PUDP: variants seen among roughly 807,000 people sequenced by gnomAD.
PUDP encodes the protein pseudouridine 5'-phosphatase.
PUDP carries 8 observed loss-of-function variants against 9.4 expected under a neutral mutation model. That is an observed-to-expected ratio of 0.85 (90% CI 0.50 to 1.53). The LOEUF is 1.53. Ranked by LOEUF, PUDP falls within the 40% of genes most tolerant of loss-of-function variation. PUDP has a pLI of 0.00. For synonymous variants in PUDP, 99 were observed against 80.7 expected (o/e 1.23, Z -1.22); for missense variants, 188 against 189.7 (o/e 0.99, Z 0.05).
rs146691839 is a variant in PUDP at position 6,904,751 on chromosome X, G to C, written c.*247+72382C>G. Among the ~76,000 whole-genome samples the C allele has an allele frequency of 2.4e-4, 27 of 112,095 alleles. 1 individual carries two copies. In the East Asian group the frequency reaches 5.4e-3, roughly 22 times the overall value. ...TTCTCCCCTGCTCACTGTCCAACTG[G>C]GGCTCCCCATTGGCCAAACTCTCCA... On this transcript the variant is annotated intron_variant and NMD_transcript_variant, in intron 3 of 3. Coordinates refer to the PUDP transcript ENST00000655425.
chrX:6,901,868 CT>C (rs1482180099), intron 3 of PUDP, among the ~76,000 whole-genome samples: 3 of 111,723 alleles, frequency 2.7e-5, no homozygotes, highest in South Asian at 3.8e-4. Flanking sequence ...GAGAAATACT[CT>C]TTTTTTGTTT....
chrX:7,127,901 TGA>T (rs1366695926), intron 1 of PUDP, among the ~76,000 whole-genome samples: 2 of 112,342 alleles, frequency 1.8e-5, no homozygotes, highest in Non-Finnish European at 3.8e-5. Flanking sequence ...TTCAGACAAC[TGA>T]AGTACTCAAC....
chrX:6,989,748 ATGT>A (rs1929151488), intron 1 of PUDP: 1 of 113,403 alleles, frequency 8.8e-6, no homozygotes, highest in African/African-American at 3.2e-5. Context: ...ATTGTGGCAA[ATGT>A]TGTCTTATTG....
chrX:7,083,913 AAG>A, intron 2 of PUDP, among the ~76,000 whole-genome samples: 1 of 111,430 alleles, frequency 9.0e-6, no homozygotes, highest in Admixed American at 9.5e-5. Flanking sequence ...CAAAAAAAAA[AAG>A]AAGGAAAAAA....
intron 1 of PUDP, among the ~76,000 whole-genome samples, chrX:7,136,693 G>C (rs1384854299): frequency 2.1e-5 from 2 of 93,518 alleles, no homozygotes; most frequent in African/African-American, 7.5e-5. Context: ...TTGTGCCAGT[G>C]GGACCCCCCC....
intron 1 of PUDP, among the ~76,000 whole-genome samples, chrX:7,026,608 C>T (rs1435887117): frequency 9.0e-6 from 1 of 111,473 alleles, no homozygotes; most frequent in Admixed American, 9.5e-5. Context: ...GGGTCTCCAT[C>T]CAGGGTGATG....
chrX:6,896,879 G>GT (rs976608254), intron 3 of PUDP, among the ~76,000 whole-genome samples: 10 of 111,274 alleles, frequency 9.0e-5, no homozygotes, highest in East Asian at 8.5e-4. Flanking sequence ...TTGTTTGTTT[G>GT]TTTTTTTAAA....
intron 3 of PUDP, among the ~76,000 whole-genome samples, chrX:6,966,044 T>A (rs1465305245): frequency 9.0e-6 from 1 of 111,215 alleles, no homozygotes; most frequent in Non-Finnish European, 1.9e-5. Context: ...GATTTTGCAC[T>A]CAGTTATCTA....
At chrX:7,054,405 G>A (rs1384722962) in intron 3 of PUDP, among the ~76,000 whole-genome samples, 3 of 95,124 alleles carry the variant, frequency 3.2e-5, no homozygotes, top group African/African-American at 1.1e-4. Flanking sequence ...GTGAGACTCC[G>A]TCTCAAAAAA....
chrX:6,714,699 A>T (rs1342628045), intron 1 of PUDP, among the ~76,000 whole-genome samples: 1 of 111,492 alleles, frequency 9.0e-6, no homozygotes. Context: ...ATAAATGGAG[A>T]TGATAGATGA....
At chrX:6,936,178 C>CA (rs1928295982) in intron 3 of PUDP, among the ~76,000 whole-genome samples, 1 of 91,167 alleles carries the variant, frequency 1.1e-5, no homozygotes. Context: ...AGAGACACAA[C>CA]AAAAAAAGAG....
chrX:7,064,727 T>C (rs1052387975), intron 3 of PUDP, among the ~76,000 whole-genome samples: 1 of 111,455 alleles, frequency 9.0e-6, no homozygotes, highest in African/African-American at 3.3e-5. Context: ...CCTCCAACAG[T>C]ATGTGATTAA....
intron 1 of PUDP, among the ~76,000 whole-genome samples, chrX:7,001,166 G>T (rs774322211): frequency 9.1e-6 from 1 of 109,608 alleles, no homozygotes; most frequent in Non-Finnish European, 1.9e-5. Context: ...GCAAAAATTA[G>T]AACATATATT....
At position 6,950,504 on chromosome X, in the gene PUDP, G is replaced by A. The variant is rs1253153837; in HGVS notation, c.*247+26629C>T. On this transcript the variant is annotated intron_variant and NMD_transcript_variant, in intron 3 of 3. Transcript: ENST00000655425. The stretch of plus-strand genomic sequence containing the variant: ...CGGCTCACTGCAAGCTCCACCTCCC[G>A]GGTTCACGCCATTCTCCTGCCTCAG... 2.0e-3 allele frequency among the ~76,000 whole-genome samples: 179 copies of A among 89,571 alleles called. 4 individuals are homozygous for A. Among genetic ancestry groups the A allele is most frequent in the Non-Finnish European group, 6.2e-4 (29 of 46,718 alleles). The allele number at this position is 89,571 out of a possible 115,157, so 77.8% of individuals were successfully genotyped here.
intron 3 of PUDP, chrX:7,057,671 G>A: frequency 1.7e-6 from 2 of 1,147,767 alleles, no homozygotes; most frequent in Non-Finnish European, 2.3e-6. Context: ...AAGGCTCGGG[G>A]TCTCCATGCA....
rs1930292981 is a variant in PUDP at position 7,057,961 on chromosome X, GCT to G, written c.511-7491_511-7490del. On this transcript the variant is annotated intron_variant, in intron 3 of 3. Coordinates refer to ENST00000381077, the MANE Select transcript of PUDP (RefSeq NM_012080.5). ...TCCCCAGGTCTCACTTCCCGGTGAT[GCT>G]TCCACCTTTGGCTCCTCCCTGCTGC... The G allele has an allele frequency of 1.3e-5, 6 of 454,368 alleles. No individual in the cohort carries two copies. In the Admixed American group the frequency reaches 2.2e-4, roughly 17 times the overall value. 37.4% of individuals were successfully genotyped at this position (454,368 alleles called of 1,213,427 possible). A position where few individuals can be genotyped will look rare whatever the true frequency, so the allele number is the denominator to read the frequency against.
intron 3 of PUDP, among the ~76,000 whole-genome samples, chrX:6,765,616 T>C (rs1378090101): frequency 1.8e-5 from 2 of 112,061 alleles, no homozygotes; most frequent in African/African-American, 6.5e-5. Flanking sequence ...TAATAAGCAA[T>C]GTTATCAATA....
chrX:7,054,039 T>A (rs1930171376), intron 3 of PUDP, among the ~76,000 whole-genome samples: 1 of 111,951 alleles, frequency 8.9e-6, no homozygotes, highest in South Asian at 3.7e-4. Context: ...ATGTCGTACA[T>A]AAAGTAAGGG....
At chrX:6,780,965 G>T (rs1033731216) in intron 3 of PUDP, among the ~76,000 whole-genome samples, 1 of 111,232 alleles carries the variant, frequency 9.0e-6, no homozygotes, top group Admixed American at 9.5e-5. Context: ...GCTGAGGCAG[G>T]ATAATCGCTT....
Sources: allele counts gnomAD v4.1 joint callset (sites outside exome capture counted in the v4.1 genomes callset), GRCh38; gene constraint gnomAD v4.1.1; transcripts MANE v1.5; gene names NCBI Gene and HGNC (gene_info 2026-07-23, HGNC 2026-07-21).